Variants in PRKCE observed in about 807,000 individuals in gnomAD.
PRKCE encodes the protein protein kinase C epsilon type.
PRKCE carries 16 observed loss-of-function variants against 85.4 expected under a neutral mutation model. The observed-to-expected ratio is 0.19, with a 90% confidence interval of 0.13 to 0.28. The LOEUF is 0.28. PRKCE is among the 10% of genes least tolerant of loss of function. PRKCE has a pLI of 1.00. For synonymous variants in PRKCE, 388 were observed against 371.5 expected (o/e 1.04, Z -0.51); for missense variants, 573 against 975.2 (o/e 0.59, Z 5.49).
At chr2:45,770,227 C>T (rs1007885022) in intron 1 of PRKCE, among the ~76,000 whole-genome samples, 11 of 152,138 alleles carry the variant, frequency 7.2e-5, no homozygotes, top group African/African-American at 2.7e-4. Context: ...TGCTGCTCTG[C>T]CCTAGGGTCA....
chr2:45,939,425 G>A (rs576700789), intron 2 of PRKCE, among the ~76,000 whole-genome samples: 4 of 152,208 alleles, frequency 2.6e-5, no homozygotes, highest in African/African-American at 4.8e-5. Flanking sequence ...ATTTCATACC[G>A]TATTCTCCTG....
At position 46,145,188 on chromosome 2, in the gene PRKCE, C is replaced by T. The variant is rs34077350; in HGVS notation, c.1688C>T (p.Thr563Met). The T allele has an allele frequency of 2.8e-3, 4,555 of 1,599,684 alleles. 49 individuals are homozygous for T. Among genetic ancestry groups the T allele is most frequent in the Non-Finnish European group, 2.0e-3 (2,349 of 1,179,954 alleles). ...MCKEGILNGV[T>M]TTTFCGTPDY... ...AAGGAAGGGATTCTGAATGGTGTGACGACCACCACGTTCTGTGGGACTCCT... is the reference window on the plus strand; with the variant it reads ...AAGGAAGGGATTCTGAATGGTGTGATGACCACCACGTTCTGTGGGACTCCT... Residue 563 changes from threonine to methionine, a missense_variant, in exon 12 of 15, where the codon ACG becomes ATG. Thr to Met is a moderately conservative substitution (Grantham distance 81). Around this residue, in one of 11 missense-constraint regions of PRKCE, gnomAD observed 15 missense variants for 42.2 expected, o/e 0.36. Coordinates refer to ENST00000306156, the MANE Select transcript of PRKCE (RefSeq NM_005400.3). The surrounding 1 kb of genome is among the most constrained non-coding windows in gnomAD (Gnocchi z 4.6).
At chr2:45,803,563 G>A (rs1204484771) in intron 1 of PRKCE, among the ~76,000 whole-genome samples, 2 of 152,150 alleles carry the variant, frequency 1.3e-5, no homozygotes, top group Non-Finnish European at 2.9e-5. Context: ...ATTTGAGTTA[G>A]GGGAGTGGTC....
At position 45,670,089 on chromosome 2, in the gene PRKCE, C is replaced by T. The variant is rs150730635; in HGVS notation, c.348+17641C>T. Among the ~76,000 whole-genome samples the T allele has an allele frequency of 6.1e-3, 932 of 152,252 alleles. 4 individuals are homozygous for T. The highest frequency in any genetic ancestry group is 0.01 in the African/African-American group (425 of 41,546). On this transcript the variant is annotated intron_variant, in intron 1 of 14. Coordinates refer to ENST00000306156, the MANE Select transcript of PRKCE (RefSeq NM_005400.3). ...TTATCAGTCATACATAGATGTGTGACGCACTAATATTATTTAAGTAATTTG... is the reference window on the plus strand; with the variant it reads ...TTATCAGTCATACATAGATGTGTGATGCACTAATATTATTTAAGTAATTTG...
intron 2 of PRKCE, among the ~76,000 whole-genome samples, chr2:45,846,379 C>T (rs1179849899): frequency 6.6e-6 from 1 of 152,176 alleles, no homozygotes; most frequent in African/African-American, 2.4e-5. Flanking sequence ...ATAGGTTCTT[C>T]TTCCCATGCC....
intron 11 of PRKCE, among the ~76,000 whole-genome samples, chr2:46,110,359 G>T (rs1672135849): frequency 6.6e-6 from 1 of 152,016 alleles, no homozygotes; most frequent in Non-Finnish European, 1.5e-5. Flanking sequence ...ATTACTGATT[G>T]GATTTCTTTA....
In PRKCE at chr2:46,139,465, A is replaced by G. The variant is rs2104454088; in HGVS notation, c.1593-5628A>G. 6.6e-6 allele frequency among the ~76,000 whole-genome samples: 1 copy of G among 152,242 alleles called. No homozygotes were observed. The highest frequency in any genetic ancestry group is 1.5e-5 in the Non-Finnish European group (1 of 68,020). On this transcript the variant is annotated intron_variant, in intron 11 of 14. Transcript: ENST00000306156. This position sits in a 1 kb window ranked among gnomAD's most constrained non-coding sequence, Gnocchi z 5.2. ...CCTGGATTATTTTGAAGTGGATTCCATTGCAATTAACACATAAACCCAAAA... is the reference window on the plus strand; with the variant it reads ...CCTGGATTATTTTGAAGTGGATTCCGTTGCAATTAACACATAAACCCAAAA...
At chr2:46,035,699 A>T (rs1307176639) in intron 10 of PRKCE, among the ~76,000 whole-genome samples, 3 of 152,264 alleles carry the variant, frequency 2.0e-5, no homozygotes, top group Non-Finnish European at 2.9e-5. Context: ...ATTACTATAT[A>T]TGGTGTATAT....
chr2:45,884,759 C>T (rs910037253), intron 2 of PRKCE, among the ~76,000 whole-genome samples: 2 of 151,616 alleles, frequency 1.3e-5, no homozygotes, highest in South Asian at 4.2e-4. Flanking sequence ...GTAATACTTG[C>T]TCGTTGTAAA....
chr2:45,865,878 TA>T (rs1693563168), intron 2 of PRKCE, among the ~76,000 whole-genome samples: 1 of 149,778 alleles, frequency 6.7e-6, no homozygotes, highest in Non-Finnish European at 1.5e-5. Flanking sequence ...AGTGCAGTGA[TA>T]CAATTAAAAT....
intron 10 of PRKCE, among the ~76,000 whole-genome samples, chr2:46,067,051 T>C (rs1036314473): frequency 1.3e-5 from 2 of 152,200 alleles, no homozygotes; most frequent in African/African-American, 2.4e-5. Flanking sequence ...GATAAAAAGA[T>C]AAGGATCATT....
At chr2:46,100,110 G>T (rs1258356091) in intron 11 of PRKCE, among the ~76,000 whole-genome samples, 1 of 152,174 alleles carries the variant, frequency 6.6e-6, no homozygotes, top group East Asian at 1.9e-4. Context: ...TTTGGTCTGG[G>T]AATGCCTTGA....
chr2:45,870,883 C>A (rs1015415697), intron 2 of PRKCE, among the ~76,000 whole-genome samples: 1 of 152,144 alleles, frequency 6.6e-6, no homozygotes, highest in Non-Finnish European at 1.5e-5. Flanking sequence ...GACAAAGACA[C>A]TAGATGTTTG....
intron 1 of PRKCE, among the ~76,000 whole-genome samples, chr2:45,822,446 C>T (rs1360553278): frequency 6.6e-6 from 1 of 152,202 alleles, no homozygotes; most frequent in Admixed American, 6.5e-5. Context: ...CTGGGGTGGC[C>T]CAGGTCCTGC....
At chr2:45,900,492 G>A (rs533692526) in intron 2 of PRKCE, among the ~76,000 whole-genome samples, 7 of 152,340 alleles carry the variant, frequency 4.6e-5, no homozygotes, top group Admixed American at 2.6e-4. Context: ...AAAACATTAT[G>A]CTATGTAAAA....
intron 2 of PRKCE, among the ~76,000 whole-genome samples, chr2:45,936,742 A>T (rs1699490386): frequency 6.6e-6 from 1 of 152,164 alleles, no homozygotes; most frequent in Non-Finnish European, 1.5e-5. Flanking sequence ...GGCCTCATTT[A>T]ACTTGAGTTA....
chr2:45,844,723 T>G (rs1378551833), intron 2 of PRKCE, among the ~76,000 whole-genome samples: 1 of 152,250 alleles, frequency 6.6e-6, no homozygotes, highest in East Asian at 1.9e-4. Context: ...TGTGCCAAGA[T>G]GCTGAGCAAC....
chr2:46,054,474 G>A (rs1360347459), intron 10 of PRKCE, among the ~76,000 whole-genome samples: 1 of 152,176 alleles, frequency 6.6e-6, no homozygotes, highest in African/African-American at 2.4e-5. Flanking sequence ...CTCACTAGGA[G>A]TGCATCTCCA....
chr2:45,999,724 G>A lies in PRKCE; in HGVS notation c.824-1680G>A, dbSNP rs552485923. 3.1e-4 allele frequency among the ~76,000 whole-genome samples: 47 copies of A among 151,856 alleles called. No homozygotes were observed. The East Asian group carries it at 3.7e-3, about 12-fold the overall frequency. ...TTTCTGTTCCTTTCTCTTTCTTCTC[G>A]TAGTGGTAGTCTCTTTTTGCATATG... is the stretch of plus-strand genomic sequence containing the variant. On this transcript the variant is annotated intron_variant, in intron 6 of 14. Coordinates refer to ENST00000306156, the MANE Select transcript of PRKCE (RefSeq NM_005400.3).
Sources: allele counts gnomAD v4.1 joint callset (sites outside exome capture counted in the v4.1 genomes callset), GRCh38; gene constraint gnomAD v4.1.1; regional missense constraint gnomAD v4.1.1; non-coding constraint Gnocchi (gnomAD v3.1); transcripts MANE v1.5; gene names NCBI Gene and HGNC (gene_info 2026-07-23, HGNC 2026-07-21).